The following DPP6 variants were observed in gnomAD, a reference collection of about 807,000 sequenced individuals.
DPP6 encodes A-type potassium channel modulatory protein DPP6.
Under a neutral mutation model 122.6 loss-of-function variants are expected in DPP6, and 69 were observed. That is an observed-to-expected ratio of 0.56 (90% CI 0.46 to 0.69). DPP6 has a LOEUF of 0.69. Ranked by LOEUF, DPP6 falls within the 30% of genes least tolerant of loss-of-function variation. The pLI, the probability that DPP6 is intolerant of heterozygous loss-of-function variation, is 0.00. For missense variants in DPP6, 928 were observed against 1,116.9 expected, an observed-to-expected ratio of 0.83 and a Z score of 2.41; for synonymous variants, 418 against 433.1, an observed-to-expected ratio of 0.97 and a Z score of 0.43.
intron 7 of DPP6, among the ~76,000 whole-genome samples, chr7:154,702,666 T>C (rs975376562): frequency 6.6e-6 from 1 of 152,208 alleles, no homozygotes; most frequent in Non-Finnish European, 1.5e-5. Context: ...AGAAGAAAAG[T>C]TGGAAGCTAA....
chr7:154,353,929 C>A (rs542713933), intron 1 of DPP6, among the ~76,000 whole-genome samples: 1 of 152,306 alleles, frequency 6.6e-6, no homozygotes, highest in Non-Finnish European at 1.5e-5. Context: ...TTCTACTCTG[C>A]CCCTTAATGT....
chr7:154,820,560 A>G (rs1253617967), intron 16 of DPP6, among the ~76,000 whole-genome samples: 7 of 152,230 alleles, frequency 4.6e-5, no homozygotes, highest in Admixed American at 4.6e-4. Flanking sequence ...CACTTCCTGA[A>G]GTGTTCTTGT....
At chr7:153,773,330 A>T in the DPP6 span, among the ~76,000 whole-genome samples, 90,389 of 139,796 alleles carry the variant, frequency 0.65, 29,066 homozygotes, top group South Asian at 0.68. Flanking sequence ...ATATATATAT[A>T]TTTTTTTTTA....
At chr7:154,235,798 G>A (rs759779338) in intron 1 of DPP6, among the ~76,000 whole-genome samples, 10 of 152,148 alleles carry the variant, frequency 6.6e-5, no homozygotes, top group Non-Finnish European at 1.0e-4. Flanking sequence ...TTTCTTAGGT[G>A]TATTACCTGG....
At chr7:153,962,188 A>G (rs1432889857) in intron 1 of DPP6, among the ~76,000 whole-genome samples, 2 of 152,030 alleles carry the variant, frequency 1.3e-5, no homozygotes, top group Non-Finnish European at 2.9e-5. Flanking sequence ...CTCCAAAAGT[A>G]AAGCACTGGA....
chr7:154,409,073 G>A (rs944479215), intron 1 of DPP6, among the ~76,000 whole-genome samples: 2 of 152,198 alleles, frequency 1.3e-5, no homozygotes, highest in African/African-American at 4.8e-5. Flanking sequence ...GAGCCTGGGA[G>A]GGGGAGGTTG....
At position 154,135,933 on chromosome 7, in the gene DPP6, C is replaced by T. The variant is rs555260698; in HGVS notation, c.243+82870C>T. ...CACTTCCTGTGAGCCCACACTTCCTCTATGCACTTCCTGTGAGCACACACT... is the reference window on the plus strand; with the variant it reads ...CACTTCCTGTGAGCCCACACTTCCTTTATGCACTTCCTGTGAGCACACACT... On this transcript the variant is annotated intron_variant, in intron 1 of 25. Transcript: ENST00000377770. 4.0e-5 allele frequency among the ~76,000 whole-genome samples: 6 copies of T among 151,148 alleles called. 1 individual carries two copies. The highest frequency in any genetic ancestry group is 1.2e-4 in the African/African-American group (5 of 40,478).
At chr7:154,789,142 T>C (rs1050074479) in intron 10 of DPP6, among the ~76,000 whole-genome samples, 1 of 152,240 alleles carries the variant, frequency 6.6e-6, no homozygotes, top group Non-Finnish European at 1.5e-5. Context: ...CTCTGTGTTC[T>C]GACTTTTTAG....
chr7:154,281,679 G>T (rs558751772), intron 1 of DPP6, among the ~76,000 whole-genome samples: 1 of 152,182 alleles, frequency 6.6e-6, no homozygotes, highest in Non-Finnish European at 1.5e-5. Flanking sequence ...AAGGCATTTT[G>T]TATCTTAGTA....
intron 1 of DPP6, among the ~76,000 whole-genome samples, chr7:154,415,097 T>A (rs1353641308): frequency 6.6e-6 from 1 of 152,142 alleles, no homozygotes; most frequent in Non-Finnish European, 1.5e-5. Context: ...CCCTGATAGA[T>A]CCTTCTTCCT....
intron 1 of DPP6, among the ~76,000 whole-genome samples, chr7:153,933,476 C>T (rs559534521): frequency 2.4e-4 from 36 of 152,260 alleles, no homozygotes; most frequent in Admixed American, 1.6e-3. Context: ...GTGTCTTTAT[C>T]AACAGCACGA....
At chr7:153,908,037 T>TG (rs982875954) in intron 1 of DPP6, among the ~76,000 whole-genome samples, 7 of 151,312 alleles carry the variant, frequency 4.6e-5, no homozygotes, top group African/African-American at 1.7e-4. Context: ...AAGTTTTTTT[T>TG]TTTTTTTTTT....
At chr7:153,783,489 C>G in the DPP6 span, among the ~76,000 whole-genome samples, 1 of 152,126 alleles carries the variant, frequency 6.6e-6, no homozygotes, top group African/African-American at 2.4e-5. Context: ...TACAACTCAA[C>G]GTGAGATTTG....
At chr7:153,884,997 T>C (rs866288161), upstream of DPP6, among the ~76,000 whole-genome samples, 814 of 141,624 alleles carry the variant, frequency 5.7e-3, 20 homozygotes, top group East Asian at 0.02. Flanking sequence ...AATATATATA[T>C]ATATATATAT....
intron 16 of DPP6, among the ~76,000 whole-genome samples, chr7:154,846,872 C>T (rs370888179): frequency 2.6e-5 from 4 of 152,282 alleles, no homozygotes; most frequent in African/African-American, 9.6e-5. Context: ...TTTCGCTTAA[C>T]CTTATAATCT....
intron 2 of DPP6, among the ~76,000 whole-genome samples, chr7:154,456,277 C>CT (rs1431836681): frequency 2.6e-5 from 4 of 152,182 alleles, no homozygotes; most frequent in Non-Finnish European, 5.9e-5. Context: ...TATCCATGCA[C>CT]TTTCTCAGAT....
At chr7:154,162,462 A>G (rs962817222) in intron 1 of DPP6, among the ~76,000 whole-genome samples, 1 of 152,252 alleles carries the variant, frequency 6.6e-6, no homozygotes, top group African/African-American at 2.4e-5. Context: ...AATATATAAA[A>G]TTAGACTGCA....
intron 1 of DPP6, among the ~76,000 whole-genome samples, chr7:154,336,938 C>A (rs1222789351): frequency 6.6e-6 from 1 of 152,180 alleles, no homozygotes; most frequent in Non-Finnish European, 1.5e-5. Context: ...AAGTCACCAG[C>A]TGGAAGTGGC....
intron 1 of DPP6, among the ~76,000 whole-genome samples, chr7:154,034,756 G>A (rs543268582): frequency 1.3e-5 from 2 of 151,620 alleles, no homozygotes; most frequent in East Asian, 3.9e-4. Context: ...ATGGGAGTAT[G>A]TGAGGTTCAT....
Sources: allele counts gnomAD v4.1 joint callset (sites outside exome capture counted in the v4.1 genomes callset), GRCh38; gene constraint gnomAD v4.1.1; transcripts MANE v1.5; gene names NCBI Gene and HGNC (gene_info 2026-07-23, HGNC 2026-07-21).